The following PSME4 variants were observed in gnomAD, a reference collection of about 807,000 sequenced individuals.
PSME4 encodes the protein proteasome activator subunit 4.
In PSME4, 89 loss-of-function variants were observed where a neutral mutation model predicts 253.9. The observed-to-expected ratio is 0.35, with a 90% CI of 0.30 to 0.42. The LOEUF (loss-of-function observed/expected upper bound fraction) is 0.42. PSME4 is among the 10% of genes least tolerant of loss of function. PSME4 has a pLI of 1.00. For synonymous variants in PSME4, 851 were observed against 759.2 expected (o/e 1.12, Z -1.99); for missense variants, 2,014 against 2,195.2 (o/e 0.92, Z 1.65).
At chr2:53,904,266 C>A in intron 26 of PSME4, 110 bp from the exon 27 acceptor site, 1 of 1,172,684 alleles carries the variant, frequency 8.5e-7, no homozygotes, top group Non-Finnish European at 1.2e-6. Flanking sequence ...TTCTCATTAA[C>A]AAAATAAATT....
rs1323358587 is a variant in PSME4 at position 53,893,720 on chromosome 2, C to A, written c.3992G>T (p.Arg1331Ile). The A allele has an allele frequency of 1.9e-6, 3 of 1,610,698 alleles. No individual in the cohort carries two copies. The Admixed American group carries it at 5.0e-5, about 27-fold the overall frequency. The change falls in exon 35 of 47, where the codon AGA (arginine) becomes ATA (isoleucine). Residue 1331 changes from arginine to isoleucine, a missense_variant. Arg to Ile is a moderately conservative substitution (Grantham distance 97, BLOSUM62 -3). Coordinates refer to ENST00000404125, the MANE Select transcript of PSME4 (RefSeq NM_014614.3). ...TGGATTAAACTTATCTTTTCCTTTTCTGTCTTCTAATGATAGAAAAGTAAT... is the reference window on the plus strand; with the variant it reads ...TGGATTAAACTTATCTTTTCCTTTTATGTCTTCTAATGATAGAAAAGTAAT... ...QLITFLSLED[R>I]KGKDKFNPRR...
chr2:53,881,115 G>A (rs2104418462), intron 41 of PSME4, among the ~76,000 whole-genome samples: 1 of 152,298 alleles, frequency 6.6e-6, no homozygotes, highest in Non-Finnish European at 1.5e-5. Context: ...AATTTCACCA[G>A]ATAGATTATA....
intron 45 of PSME4, 82 bp downstream of exon 45, chr2:53,866,665 G>C: frequency 3.5e-6 from 5 of 1,423,080 alleles, no homozygotes; most frequent in Non-Finnish European, 4.8e-6. Flanking sequence ...AGTTAGTTCA[G>C]AGTGTATAGG....
intron 4 of PSME4, among the ~76,000 whole-genome samples, chr2:53,939,064 A>T (rs1053576753): frequency 6.6e-6 from 1 of 152,236 alleles, no homozygotes; most frequent in African/African-American, 2.4e-5. Context: ...CCAAGAAGGT[A>T]ACTGCCTCGC....
Position 53,970,647 on chromosome 2 carries a change from G to C in PSME4, c.138C>G (p.Ala46=), listed in dbSNP as rs768986190. ...TCTGGGCCAGCTGCAAGTCGGACTC[G>C]GCGTCTAGCCGCTCCGCGTAGGGCA... ...KLLPYAERLD[A]ESDLQLAQIK... is the part of the protein sequence containing the mutation. The change falls in exon 1 of 47, where the codon GCC becomes GCG. Residue 46 remains alanine, a synonymous_variant. Transcript: ENST00000404125. 15 of 1,550,166 alleles carry C rather than the reference G, an allele frequency of 9.7e-6. No individual in the cohort carries two copies. The South Asian group carries it at 1.4e-4, about 15-fold the overall frequency.
rs568443257 is a variant in PSME4, at chr2:53,966,647, C to T, written c.242+3896G>A. ...AACCTGAGGTGTTCTAACGAGCACC[C>T]GCAGCCCCTCATGAAAGGTCCAGAA... On this transcript the variant is annotated intron_variant, in intron 1 of 46. Transcript: ENST00000404125. Among the ~76,000 whole-genome samples the T allele has an allele frequency of 7.2e-5, 11 of 152,112 alleles. No homozygotes were observed. In the South Asian group the frequency reaches 1.7e-3, roughly 23 times the overall value.
At chr2:53,866,321 G>T (rs751520814) in intron 45 of PSME4, 98 bp from the exon 46 acceptor site, 5 of 1,304,580 alleles carry the variant, frequency 3.8e-6, no homozygotes, top group Non-Finnish European at 4.2e-6. Flanking sequence ...CTAGACTTCA[G>T]ATCTCACACA....
chr2:53,951,005 G>A (rs1427477604), intron 1 of PSME4, among the ~76,000 whole-genome samples: 3 of 152,042 alleles, frequency 2.0e-5, no homozygotes, highest in African/African-American at 7.3e-5. Flanking sequence ...TAAGTCAACG[G>A]GAAAAAGAGC....
chr2:53,958,468 G>A (rs1217127098), intron 1 of PSME4, among the ~76,000 whole-genome samples: 1 of 152,082 alleles, frequency 6.6e-6, no homozygotes, highest in Non-Finnish European at 1.5e-5. Context: ...TTATGATACA[G>A]TGTAAATCAG....
intron 26 of PSME4, among the ~76,000 whole-genome samples, chr2:53,906,129 CTT>C (rs1680648629): frequency 6.6e-6 from 1 of 152,170 alleles, no homozygotes; most frequent in African/African-American, 2.4e-5. Context: ...CAGATAATCT[CTT>C]GTTCCTACAC....
chr2:53,968,756 A>G (rs1335913430), intron 1 of PSME4, among the ~76,000 whole-genome samples: 1 of 152,238 alleles, frequency 6.6e-6, no homozygotes, highest in African/African-American at 2.4e-5. Flanking sequence ...AGCCCTAAAC[A>G]CCAAACATTA....
At chr2:53,960,776 T>A (rs959846028) in intron 1 of PSME4, among the ~76,000 whole-genome samples, 1 of 152,066 alleles carries the variant, frequency 6.6e-6, no homozygotes, top group South Asian at 2.1e-4. Context: ...GCTTTTGAAT[T>A]TTTTTTTATG....
chr2:53,959,318 C>G (rs1670375522), intron 1 of PSME4, among the ~76,000 whole-genome samples: 1 of 151,988 alleles, frequency 6.6e-6, no homozygotes, highest in African/African-American at 2.4e-5. Context: ...TGAGCTGAGA[C>G]CATGCCACTG....
intron 41 of PSME4, among the ~76,000 whole-genome samples, chr2:53,881,040 T>A (rs1679365976): frequency 6.6e-6 from 1 of 152,178 alleles, no homozygotes; most frequent in African/African-American, 2.4e-5. Context: ...GACACAATAC[T>A]CTCAAGTACA....
intron 41 of PSME4, among the ~76,000 whole-genome samples, chr2:53,876,616 G>A (rs1483914796): frequency 6.6e-6 from 1 of 150,482 alleles, no homozygotes; most frequent in Non-Finnish European, 1.5e-5. Flanking sequence ...CCCTCATTTG[G>A]AATAATGATT....
At chr2:53,927,534 A>G (rs1417658978) in intron 11 of PSME4, 51 bp from the exon 12 acceptor site, 4 of 1,232,560 alleles carry the variant, frequency 3.2e-6, no homozygotes, top group Non-Finnish European at 4.8e-6. Flanking sequence ...TAATTCAGAA[A>G]TACAAGTATA....
intron 1 of PSME4, among the ~76,000 whole-genome samples, chr2:53,965,004 G>T (rs1417251793): frequency 1.3e-5 from 2 of 152,002 alleles, no homozygotes; most frequent in African/African-American, 4.8e-5. Flanking sequence ...TACAAAACAT[G>T]TCACTGTAGC....
intron 26 of PSME4, 88 bp downstream of exon 26, chr2:53,906,506 ATTAT>A: frequency 7.2e-7 from 1 of 1,389,026 alleles, no homozygotes; most frequent in African/African-American, 1.5e-5. Flanking sequence ...TATGGGTGAA[ATTAT>A]TTAAACTCTC....
chr2:53,951,624 T>G (rs1320764315), intron 1 of PSME4, among the ~76,000 whole-genome samples: 1 of 152,186 alleles, frequency 6.6e-6, no homozygotes, highest in Non-Finnish European at 1.5e-5. Context: ...ACAGGTTGAA[T>G]ACCTTTAATC....
Sources: allele counts gnomAD v4.1 joint callset (sites outside exome capture counted in the v4.1 genomes callset), GRCh38; gene constraint gnomAD v4.1.1; transcripts MANE v1.5; gene names NCBI Gene and HGNC (gene_info 2026-07-23, HGNC 2026-07-21).